SLC12A8: variants seen among roughly 807,000 people sequenced by gnomAD.
The protein encoded by SLC12A8 is solute carrier family 12 member 8.
In SLC12A8, 69 loss-of-function variants were observed where a neutral mutation model predicts 75.6. The ratio of observed to expected loss-of-function variants is 0.91; its 90% CI spans 0.75 to 1.11. The LOEUF (loss-of-function observed/expected upper bound fraction) is 1.11. SLC12A8 is among the 50% of genes most tolerant of loss of function. The probability of loss-of-function intolerance (pLI) is 0.00; values close to 1 mark genes in which losing one functional copy is unlikely to be tolerated. For synonymous variants in SLC12A8, 365 were observed against 372.8 expected (o/e 0.98, Z 0.24); for missense variants, 877 against 896.7 (o/e 0.98, Z 0.28).
intron 5 of SLC12A8, among the ~76,000 whole-genome samples, chr3:125,158,791 C>A (rs1934103388): frequency 6.6e-6 from 1 of 152,110 alleles, no homozygotes; most frequent in Admixed American, 6.6e-5. Flanking sequence ...TAAGGTAACA[C>A]CTACTGAAGA....
intron 5 of SLC12A8, among the ~76,000 whole-genome samples, chr3:125,166,990 A>G (rs1357227875): frequency 1.3e-5 from 2 of 152,226 alleles, no homozygotes; most frequent in African/African-American, 2.4e-5. Flanking sequence ...GTGAAGGTAC[A>G]GCTTAAACTG....
chr3:125,187,856 G>A (rs76901101), intron 3 of SLC12A8, among the ~76,000 whole-genome samples: 2,854 of 150,206 alleles, frequency 0.019, 45 homozygotes, highest in East Asian at 0.054. Flanking sequence ...AGGCCTCAAC[G>A]TTTAGGATTT....
chr3:125,168,553 T>G (rs1934341848), intron 5 of SLC12A8, among the ~76,000 whole-genome samples: 1 of 152,208 alleles, frequency 6.6e-6, no homozygotes. Context: ...AGCAGAGGAC[T>G]GAGCCCCGTG....
chr3:125,137,927 ACACGCTCACGCT>A (rs916684195), intron 5 of SLC12A8, among the ~76,000 whole-genome samples: 4 of 151,842 alleles, frequency 2.6e-5, no homozygotes, highest in African/African-American at 9.6e-5. Context: ...GCTCACGCTC[ACACGCTCACGCT>A]CACACTCACG....
intron 2 of SLC12A8, chr3:125,206,643 C>G (rs1033866724): frequency 6.6e-6 from 1 of 152,200 alleles, no homozygotes; most frequent in African/African-American, 2.4e-5. Flanking sequence ...ACGTGCATTG[C>G]TATAAAGAAA....
chr3:125,187,147 C>T, intron 4 of SLC12A8, 90 bp downstream of exon 4: 1 of 1,355,128 alleles, frequency 7.4e-7, no homozygotes, highest in Non-Finnish European at 1.0e-6. Flanking sequence ...TTGTCCCCAC[C>T]CTCGCTTCTC....
intron 2 of SLC12A8, among the ~76,000 whole-genome samples, chr3:125,207,482 T>A (rs1444787250): frequency 6.6e-6 from 1 of 152,158 alleles, no homozygotes; most frequent in Non-Finnish European, 1.5e-5. Context: ...TTGCTGTTGG[T>A]TTTGTACTTG....
At chr3:125,135,824 G>C (rs186805184) in intron 5 of SLC12A8, 42 bp from the exon 6 acceptor site, 2 of 1,108,634 alleles carry the variant, frequency 1.8e-6, no homozygotes, top group African/African-American at 3.1e-5. Context: ...CCAGTGAGAA[G>C]ACACAGGACA....
At chr3:125,128,941 C>T (rs1405495925) in intron 6 of SLC12A8, among the ~76,000 whole-genome samples, 2 of 152,126 alleles carry the variant, frequency 1.3e-5, no homozygotes, top group Non-Finnish European at 2.9e-5. Flanking sequence ...CAGCAAATTC[C>T]CAGAGCTTCC....
chr3:125,159,146 T>G (rs1254929720), intron 5 of SLC12A8, among the ~76,000 whole-genome samples: 1 of 152,254 alleles, frequency 6.6e-6, no homozygotes, highest in Non-Finnish European at 1.5e-5. Flanking sequence ...TAAAAATTTT[T>G]TAAGTATGGT....
chr3:125,142,914 C>A (rs1002668799), intron 5 of SLC12A8, among the ~76,000 whole-genome samples: 1 of 152,250 alleles, frequency 6.6e-6, no homozygotes, highest in Non-Finnish European at 1.5e-5. Flanking sequence ...ATGCCCTCCT[C>A]CCTTCCCTGA....
chr3:125,172,483 C>T (rs1322939732), intron 5 of SLC12A8, among the ~76,000 whole-genome samples: 2 of 152,100 alleles, frequency 1.3e-5, no homozygotes, highest in African/African-American at 4.8e-5. Flanking sequence ...CCAGTGAGAT[C>T]CTCCAGCCCC....
intron 4 of SLC12A8, among the ~76,000 whole-genome samples, chr3:125,179,572 C>T (rs139779202): frequency 2.9e-4 from 44 of 152,286 alleles, no homozygotes; most frequent in African/African-American, 9.9e-4. Context: ...AGGCACATAT[C>T]ATGTTTGTCA....
chr3:125,097,986 T>C (rs1938758877), intron 10 of SLC12A8, among the ~76,000 whole-genome samples: 1 of 152,190 alleles, frequency 6.6e-6, no homozygotes, highest in African/African-American at 2.4e-5. Context: ...AAATATTAAA[T>C]TGACCTTTAA....
intron 12 of SLC12A8, among the ~76,000 whole-genome samples, chr3:125,090,825 T>A (rs1938564123): frequency 6.6e-6 from 1 of 152,222 alleles, no homozygotes; most frequent in Non-Finnish European, 1.5e-5. Context: ...TAAAGAAGGA[T>A]TCTTGTAGGC....
Position 125,083,224 on chromosome 3 carries a change from A to G in SLC12A8, c.*666T>C, listed in dbSNP as rs1368501121. On this transcript the variant is annotated 3_prime_UTR_variant, in exon 14 of 14. Coordinates refer to ENST00000469902, the MANE Select transcript of SLC12A8 (RefSeq NM_024628.6). ...TAATACAATAAAATATAAAACATAC[A>G]CTTATTGTGGCCCTCTGCACAAGCA... The G allele has an allele frequency of 6.6e-6, 1 of 152,100 alleles. No individual in the cohort carries two copies. Among genetic ancestry groups the G allele is most frequent in the Non-Finnish European group, 1.5e-5 (1 of 68,028 alleles). The allele number at this position is 152,100 out of a possible 1,614,324, so 9.4% of individuals were successfully genotyped here. A position where few individuals can be genotyped will look rare whatever the true frequency, so the allele number is the denominator to read the frequency against.
At position 125,159,567 on chromosome 3, in the gene SLC12A8, T is replaced by G. The variant is rs1170398000; in HGVS notation, c.622+18176A>C. Reference sequence around the variant, plus strand: ...TCTGAGAACCAATCTGATTTAGCCCTCCAAATGCTCAGAGGTCTCAGGAGC... The same window carrying G: ...TCTGAGAACCAATCTGATTTAGCCCGCCAAATGCTCAGAGGTCTCAGGAGC... On this transcript the variant is annotated intron_variant, in intron 5 of 13. Coordinates refer to ENST00000469902, the MANE Select transcript of SLC12A8 (RefSeq NM_024628.6). 2.6e-5 allele frequency among the ~76,000 whole-genome samples: 4 copies of G among 152,280 alleles called. No homozygotes were observed. The South Asian group carries it at 8.3e-4, about 32-fold the overall frequency.
chr3:125,179,138 C>G (rs1560077541), intron 4 of SLC12A8, among the ~76,000 whole-genome samples: 5 of 152,180 alleles, frequency 3.3e-5, no homozygotes, highest in Admixed American at 3.3e-4. Flanking sequence ...TCTCTGGGAA[C>G]AAATTCTATT....
chr3:125,118,832 G>A lies in SLC12A8; in HGVS notation c.849C>T (p.Val283=), dbSNP rs777211946. 2 of 1,613,752 alleles carry A rather than the reference G, an allele frequency of 1.2e-6. No individual in the cohort carries two copies. The highest frequency in any genetic ancestry group is 1.7e-6 in the Non-Finnish European group (2 of 1,179,788). Reference sequence around the variant, plus strand: ...GAGTGCAGATGGCGCCCAGGAGGAAGACGAAGATGATGTACAGAAACCACC... The same window carrying A: ...GAGTGCAGATGGCGCCCAGGAGGAAAACGAAGATGATGTACAGAAACCACC... The part of the protein sequence containing the change: ...GISWFLYIIF[V]FLLGAICTRE... Residue 283 remains valine, a synonymous_variant, in exon 8 of 14, where the codon GTC becomes GTT. Transcript: ENST00000469902.
Sources: allele counts gnomAD v4.1 joint callset (sites outside exome capture counted in the v4.1 genomes callset), GRCh38; gene constraint gnomAD v4.1.1; transcripts MANE v1.5; gene names NCBI Gene and HGNC (gene_info 2026-07-23, HGNC 2026-07-21).